ULK4: variants seen among roughly 807,000 people sequenced by gnomAD.
ULK4 encodes inactive serine/threonine-protein kinase ULK4.
Under a neutral mutation model 160.6 loss-of-function variants are expected in ULK4, and 133 were observed. That is an observed-to-expected ratio of 0.83 (90% confidence interval 0.72 to 0.96). The LOEUF (loss-of-function observed/expected upper bound fraction) is 0.96, where lower values mean the gene tolerates loss of function less well. ULK4 is among the 40% of genes least tolerant of loss of function. The pLI is 0.00. For missense variants in ULK4, 1,580 were observed against 1,499.5 expected (o/e 1.05, Z -0.89); for synonymous variants, 534 against 539.8 (o/e 0.99, Z 0.15).
chr3:41,559,330 A>T (rs529430969), intron 32 of ULK4, among the ~76,000 whole-genome samples: 1 of 138,418 alleles, frequency 7.2e-6, no homozygotes, highest in African/African-American at 2.5e-5. Flanking sequence ...GTGCTGCAAT[A>T]AACATACGTG....
intron 35 of ULK4, among the ~76,000 whole-genome samples, chr3:41,255,161 G>C (rs1355566994): frequency 9.0e-6 from 1 of 110,564 alleles, no homozygotes; most frequent in Admixed American, 9.2e-5. Context: ...CACACACACA[G>C]TACTTATAAC....
At chr3:41,704,740 A>G (rs2036810395) in intron 27 of ULK4, among the ~76,000 whole-genome samples, 1 of 152,132 alleles carries the variant, frequency 6.6e-6, no homozygotes, top group Admixed American at 6.5e-5. Flanking sequence ...CCATCCCAAA[A>G]TGCCTTTAGT....
intron 30 of ULK4, among the ~76,000 whole-genome samples, chr3:41,620,572 A>G (rs1475316198): frequency 6.6e-6 from 1 of 152,208 alleles, no homozygotes; most frequent in Non-Finnish European, 1.5e-5. Flanking sequence ...ACATCCCTTC[A>G]TGCTAAAAAC....
intron 17 of ULK4, among the ~76,000 whole-genome samples, chr3:41,836,639 C>T (rs1397057088): frequency 2.0e-5 from 3 of 152,160 alleles, no homozygotes. Context: ...TTTACCATGC[C>T]ACGTCCCTGG....
chr3:41,388,094 T>C (rs1306970369), intron 35 of ULK4, among the ~76,000 whole-genome samples: 1 of 152,202 alleles, frequency 6.6e-6, no homozygotes, highest in Non-Finnish European at 1.5e-5. Flanking sequence ...TATCTCATTG[T>C]GGTTTTGATT....
intron 35 of ULK4, among the ~76,000 whole-genome samples, chr3:41,345,169 G>A (rs1312561158): frequency 2.0e-5 from 3 of 152,222 alleles, no homozygotes; most frequent in African/African-American, 7.2e-5. Context: ...CTTTTACACT[G>A]TTGGTGGGAG....
At chr3:41,469,139 G>A (rs2083906101) in intron 32 of ULK4, among the ~76,000 whole-genome samples, 1 of 152,140 alleles carries the variant, frequency 6.6e-6, no homozygotes, top group African/African-American at 2.4e-5. Flanking sequence ...GATCATCACA[G>A]CAAATTTCCA....
At chr3:41,781,857 T>C (rs2039851193) in intron 21 of ULK4, among the ~76,000 whole-genome samples, 1 of 152,062 alleles carries the variant, frequency 6.6e-6, no homozygotes, top group African/African-American at 2.4e-5. Flanking sequence ...GAGAATCACT[T>C]GAACCCGGGA....
chr3:41,790,085 G>C (rs1302640653), intron 20 of ULK4, among the ~76,000 whole-genome samples: 1 of 152,140 alleles, frequency 6.6e-6, no homozygotes, highest in African/African-American at 2.4e-5. Flanking sequence ...CCATTAAATT[G>C]ATAAATTCAT....
chr3:41,290,971 A>T (rs1277901380), intron 35 of ULK4, among the ~76,000 whole-genome samples: 1 of 152,252 alleles, frequency 6.6e-6, no homozygotes, highest in Non-Finnish European at 1.5e-5. Context: ...CCTGGGAATT[A>T]GTAAATGGCT....
intron 32 of ULK4, among the ~76,000 whole-genome samples, chr3:41,465,102 A>G (rs1201441363): frequency 6.6e-6 from 1 of 152,202 alleles, no homozygotes; most frequent in Non-Finnish European, 1.5e-5. Flanking sequence ...TCTTCACAAC[A>G]GTGATAACGC....
intron 17 of ULK4, chr3:41,859,606 G>A: frequency 2.0e-6 from 1 of 507,046 alleles, no homozygotes; most frequent in South Asian, 1.5e-5. Context: ...GTCACTGCCT[G>A]AGCTGCCAGC....
chr3:41,398,839 A>G (rs1273517360), intron 34 of ULK4, among the ~76,000 whole-genome samples: 2 of 152,080 alleles, frequency 1.3e-5, no homozygotes, highest in Non-Finnish European at 2.9e-5. Flanking sequence ...ATACATTTTT[A>G]TGGAGTACAG....
intron 33 of ULK4, 60 bp downstream of exon 33, chr3:41,463,027 T>A: frequency 6.5e-7 from 1 of 1,543,488 alleles, no homozygotes. Flanking sequence ...AAGAAGAGAA[T>A]GAAAGGGAAG....
At chr3:41,332,887 A>C (rs2080476176) in intron 35 of ULK4, among the ~76,000 whole-genome samples, 2 of 152,316 alleles carry the variant, frequency 1.3e-5, no homozygotes, top group South Asian at 4.1e-4. Context: ...GTTCCCACTT[A>C]CAAGTGAGAA....
chr3:41,770,313 G>A (rs1233488151), intron 21 of ULK4, among the ~76,000 whole-genome samples: 2 of 152,002 alleles, frequency 1.3e-5, no homozygotes, highest in Non-Finnish European at 2.9e-5. Context: ...TTGTGTTACA[G>A]GTTTGTGTCA....
intron 32 of ULK4, among the ~76,000 whole-genome samples, chr3:41,496,168 G>C (rs4973882): frequency 0.41 from 62,370 of 151,586 alleles, 12,994 homozygotes; most frequent in African/African-American, 0.44. Context: ...ACTAAAAAGA[G>C]TAGAATGAAC....
chr3:41,697,171 T>A (rs1051244207), intron 27 of ULK4, among the ~76,000 whole-genome samples: 1 of 152,150 alleles, frequency 6.6e-6, no homozygotes, highest in African/African-American at 2.4e-5. Context: ...CAATAAAAGA[T>A]AGAGATGCTT....
chr3:41,274,993 C>G (rs779238780), intron 35 of ULK4, among the ~76,000 whole-genome samples: 1 of 152,224 alleles, frequency 6.6e-6, no homozygotes, highest in Non-Finnish European at 1.5e-5. Flanking sequence ...CATCTGTGCT[C>G]TACACTGCCC....
Sources: gnomAD v4.1 joint callset for allele counts (sites outside exome capture counted in the v4.1 genomes callset) on GRCh38, gnomAD v4.1.1 for gene constraint, MANE v1.5 for transcripts, NCBI Gene and HGNC (gene_info 2026-07-23, HGNC 2026-07-21) for gene names.